The following CCNA2 variants were observed in gnomAD, a reference collection of about 807,000 sequenced individuals.
CCNA2 encodes cyclin-A2.
CCNA2 carries 3 observed loss-of-function variants against 49.4 expected under a neutral mutation model. The observed-to-expected ratio is 0.06, with a 90% CI of 0.03 to 0.16. The LOEUF (loss-of-function observed/expected upper bound fraction) is 0.16, where lower values mean the gene tolerates loss of function less well. Among genes scored for constraint, CCNA2 ranks in the 10% least tolerant of loss-of-function variants. CCNA2 has a pLI of 1.00. For synonymous variants in CCNA2, 206 were observed against 197.2 expected (o/e 1.04, Z -0.37); for missense variants, 372 against 519.7 (o/e 0.72, Z 2.76).
In CCNA2 at chr4:121,816,950, T is replaced by A. The variant is rs949102818; in HGVS notation, c.*688A>T. The A allele has an allele frequency of 8.3e-7, 1 of 1,201,812 alleles. No homozygotes were observed. The highest frequency in any genetic ancestry group is 1.1e-6 in the Non-Finnish European group (1 of 895,486). The allele number at this position is 1,201,812 out of a possible 1,614,324, so 74.4% of individuals were successfully genotyped here. Reference sequence around the variant, plus strand: ...GTATTTTTTATTCACAAATCCATTATAAAATCTAGCAGGATTTTAAAAATA... The same window carrying A: ...GTATTTTTTATTCACAAATCCATTAAAAAATCTAGCAGGATTTTAAAAATA... On this transcript the variant is annotated 3_prime_UTR_variant, in exon 8 of 8. Coordinates refer to ENST00000274026, the MANE Select transcript of CCNA2 (RefSeq NM_001237.5).
Position 121,820,438 on chromosome 4 carries a change from A to T in CCNA2, c.794+104T>A. The T allele has an allele frequency of 1.3e-6, 1 of 757,310 alleles. No homozygotes were observed. The highest frequency in any genetic ancestry group is 2.2e-6 in the Non-Finnish European group (1 of 455,276). 46.9% of individuals were successfully genotyped at this position (757,310 alleles called of 1,614,324 possible). On this transcript the variant is annotated intron_variant, in intron 4 of 7. Transcript: ENST00000274026. The surrounding 1 kb of genome is among the most constrained non-coding windows in gnomAD (Gnocchi z 4.1). Reference sequence around the variant, plus strand: ...GCACATTGCCATCCCTAAAGTAGTCACTGACTCTGCCTGGTGTATGTTAAA... The same window carrying T: ...GCACATTGCCATCCCTAAAGTAGTCTCTGACTCTGCCTGGTGTATGTTAAA...
At chr4:121,822,767 A>G in intron 1 of CCNA2, 121 bp from the exon 2 acceptor site, 1 of 1,030,614 alleles carries the variant, frequency 9.7e-7, no homozygotes, top group Non-Finnish European at 1.4e-6. Context: ...TGGGACAAAG[A>G]AGAGTTTCAG....
chr4:121,822,448 T>G lies in CCNA2; in HGVS notation c.412A>C (p.Arg138=), dbSNP rs892229251. ...TAATCAAGAGGGACCAATGGTTTTC[T>G]GGGTCCAGGTAAACTAATGGCTGAA... ...FNSAISLPGP[R]KPLVPLDYPM... is the part of the protein sequence containing the mutation. The change falls in exon 2 of 8, where the codon AGA becomes CGA. Residue 138 remains arginine, a synonymous_variant. Transcript: ENST00000274026. 1.5e-5 allele frequency: 25 copies of G among 1,614,092 alleles called. No individual in the cohort carries two copies. Among genetic ancestry groups the G allele is most frequent in the African/African-American group, 4.0e-5 (3 of 74,940 alleles).
intron 7 of CCNA2, among the ~76,000 whole-genome samples, 179 bp from the exon 8 acceptor site, chr4:121,817,865 C>T (rs773875956): frequency 4.6e-5 from 7 of 152,208 alleles, no homozygotes; most frequent in Non-Finnish European, 8.8e-5. Flanking sequence ...CCTTCCTTCT[C>T]TCTTCTCCCC....
At chr4:121,817,770 T>C in intron 7 of CCNA2, 84 bp from the exon 8 acceptor site, 6 of 1,568,082 alleles carry the variant, frequency 3.8e-6, no homozygotes, top group Admixed American at 1.8e-5. Context: ...ACTCATGTAT[T>C]GGGAACTAAA....
At position 121,822,474 on chromosome 4, in the gene CCNA2, T is replaced by C. The variant is rs1447748177; in HGVS notation, c.386A>G (p.Asn129Ser). 1 of 1,614,188 alleles carries C rather than the reference T, an allele frequency of 6.2e-7. No homozygotes were observed. The highest frequency in any genetic ancestry group is 2.2e-5 in the East Asian group (1 of 44,884). The change falls in exon 2 of 8, where the codon AAT (asparagine) becomes AGT (serine). Residue 129 changes from asparagine to serine, a missense_variant. By Grantham distance (46) the Asn-to-Ser change is conservative. Coordinates refer to ENST00000274026, the MANE Select transcript of CCNA2 (RefSeq NM_001237.5). Reference protein sequence around the residue: ...KIEREDALAFNSAISLPGPRK... With the variant: ...KIEREDALAFSSAISLPGPRK... ...GGGTCCAGGTAAACTAATGGCTGAA[T>C]TAAAAGCCAGGGCATCTTCACGCTC...
intron 1 of CCNA2, 71 bp from the exon 2 acceptor site, chr4:121,822,717 TG>T: frequency 6.7e-7 from 1 of 1,487,856 alleles, no homozygotes. Flanking sequence ...TGTTGGCCTT[TG>T]CTTTTTCTCC....
At position 121,820,884 on chromosome 4, in the gene CCNA2, AT is replaced by A. The variant is rs1724675460; in HGVS notation, c.570+94del. On this transcript the variant is annotated intron_variant, in intron 3 of 7. Transcript: ENST00000274026. The surrounding 1 kb of genome is among the most constrained non-coding windows in gnomAD (Gnocchi z 4.1). ...TAAACTTAACTGTAGCATTAGAATA[AT>A]TCATTAGTTTAAAAATTTAAACATT... 4.7e-6 allele frequency: 6 copies of A among 1,286,016 alleles called. No individual in the cohort carries two copies. Among genetic ancestry groups the A allele is most frequent in the Non-Finnish European group, 6.6e-6 (6 of 905,240 alleles). The allele number at this position is 1,286,016 out of a possible 1,614,324, so 79.7% of individuals were successfully genotyped here.
chr4:121,817,492 T>C lies in CCNA2; in HGVS notation c.*146A>G, dbSNP rs192441657. On this transcript the variant is annotated 3_prime_UTR_variant, in exon 8 of 8. Transcript: ENST00000274026. ...ACAAAAGATATACAAATTAAAACCA[T>C]TTAAAAAGTAATAGATACCATAATT... 8 of 891,034 alleles carry C rather than the reference T, an allele frequency of 9.0e-6. No homozygotes were observed. In the African/African-American group the frequency reaches 1.4e-4, roughly 15 times the overall value. The allele number at this position is 891,034 out of a possible 1,614,324, so 55.2% of individuals were successfully genotyped here. A position where few individuals can be genotyped will look rare whatever the true frequency, so the allele number is the denominator to read the frequency against.
chr4:121,823,632 T>G lies in CCNA2; in HGVS notation c.-4A>C. On this transcript the variant is annotated 5_prime_UTR_variant, in exon 1 of 8. Transcript: ENST00000274026. ...CCGGCGCAGAGTTGCCCAACATCACTGCTCCCGGGAGTGGACGGCGGGATC... is the reference window on the plus strand; with the variant it reads ...CCGGCGCAGAGTTGCCCAACATCACGGCTCCCGGGAGTGGACGGCGGGATC... 3 of 1,578,806 alleles carry G rather than the reference T, an allele frequency of 1.9e-6. No individual in the cohort carries two copies. Among genetic ancestry groups the G allele is most frequent in the Non-Finnish European group, 2.6e-6 (3 of 1,167,040 alleles).
chr4:121,818,586 C>G (rs1417808408), intron 6 of CCNA2, among the ~76,000 whole-genome samples: 1 of 152,140 alleles, frequency 6.6e-6, no homozygotes, highest in Non-Finnish European at 1.5e-5. Context: ...CCCCTGAATA[C>G]TGTAGTTTCA....
At position 121,823,450 on chromosome 4, in the gene CCNA2, C is replaced by A. The variant is rs776408693; in HGVS notation, c.179G>T (p.Gly60Val). ...CTTCGGCCTCTGCTGCTGCGCTAGA[C>A]CCCGCGGGTTCCCGGACTTCAGTAC... ...LAVLKSGNPR[G>V]LAQQQRPKTR... Residue 60 changes from glycine (G) to valine (V), a missense_variant, in exon 1 of 8, where the codon GGT (glycine) becomes GTT (valine). By Grantham distance (109) the Gly-to-Val change is moderately radical. This residue lies in a region of CCNA2 where 217 missense variants were observed against 231.7 expected (regional missense o/e 0.94). Coordinates refer to ENST00000274026, the MANE Select transcript of CCNA2 (RefSeq NM_001237.5). 2.5e-6 allele frequency: 4 copies of A among 1,613,376 alleles called. No homozygotes were observed. Among genetic ancestry groups the A allele is most frequent in the Non-Finnish European group, 3.4e-6 (4 of 1,179,832 alleles).
At chr4:121,822,106 C>T (rs911996752) in intron 2 of CCNA2, among the ~76,000 whole-genome samples, 27 of 152,150 alleles carry the variant, frequency 1.8e-4, no homozygotes, top group African/African-American at 6.0e-4. Flanking sequence ...ATTCTCCCAA[C>T]CAAGAACACA....
At position 121,821,047 on chromosome 4, in the gene CCNA2, T is replaced by C; in HGVS notation, c.502A>G (p.Lys168Glu). 1 of 1,613,290 alleles carries C rather than the reference T, an allele frequency of 6.2e-7. No individual in the cohort carries two copies. The highest frequency in any genetic ancestry group is 1.3e-5 in the African/African-American group (1 of 75,024). ...GGTACTTCATTAACACTCACTGGCT[T>C]TTCATCTTCTAATATAATTGACATG... ...MDMSIILEDEKPVSVNEVPDY... is the reference protein window; with the variant it reads ...MDMSIILEDEEPVSVNEVPDY... The change falls in exon 3 of 8, where the codon AAG (lysine) becomes GAG (glutamate). Residue 168 changes from lysine (K) to glutamate (E), a missense_variant. Physicochemically the swap from Lys to Glu is moderately conservative, Grantham distance 56. Around this residue, in one of 2 missense-constraint regions of CCNA2, gnomAD observed 217 missense variants for 231.7 expected, o/e 0.94. Coordinates refer to ENST00000274026, the MANE Select transcript of CCNA2 (RefSeq NM_001237.5).
intron 1 of CCNA2, 98 bp from the exon 2 acceptor site, chr4:121,822,744 G>C: frequency 8.1e-7 from 1 of 1,228,526 alleles, no homozygotes; most frequent in South Asian, 1.5e-5. Context: ...ACTCTATCAG[G>C]AATTAAACTT....
rs1425206324 is a variant in CCNA2 at position 121,819,414 on chromosome 4, C to G, written c.960G>C (p.Leu320=). The G allele has an allele frequency of 6.2e-7, 1 of 1,613,946 alleles. No homozygotes were observed. The highest frequency in any genetic ancestry group is 1.3e-5 in the African/African-American group (1 of 74,916). The change falls in exon 5 of 8, where the codon CTG becomes CTC. Residue 320 remains leucine, a synonymous_variant. Coordinates refer to ENST00000274026, the MANE Select transcript of CCNA2 (RefSeq NM_001237.5). ...TVNQFLTQYF[L]HQQPANCKVE... is the part of the protein sequence containing the mutation. ...CTTTGCAGTTTGCAGGCTGCTGATG[C>G]AGAAAGTATTGGGTAAGAAACTGAT...
intron 2 of CCNA2, 126 bp downstream of exon 2, chr4:121,822,276 CT>C: frequency 1.1e-6 from 1 of 903,570 alleles, no homozygotes; most frequent in Non-Finnish European, 1.7e-6. Context: ...CTTTCTAAGC[CT>C]TGTTACATTA....
chr4:121,821,834 C>T (rs1724699819), intron 2 of CCNA2, among the ~76,000 whole-genome samples: 1 of 152,058 alleles, frequency 6.6e-6, no homozygotes, highest in African/African-American at 2.4e-5. Flanking sequence ...CTCAATATCC[C>T]TAGGGCAAAG....
chr4:121,818,287 T>C, intron 6 of CCNA2, 110 bp from the exon 7 acceptor site: 5 of 952,030 alleles, frequency 5.3e-6, no homozygotes, highest in Non-Finnish European at 7.8e-6. Flanking sequence ...ATCTTTAACT[T>C]TTCCAACTAC....
Sources: gnomAD v4.1 joint callset for allele counts (sites outside exome capture counted in the v4.1 genomes callset) on GRCh38, gnomAD v4.1.1 for gene constraint, gnomAD v4.1.1 regional missense constraint, Gnocchi (gnomAD v3.1) non-coding constraint, MANE v1.5 for transcripts, NCBI Gene and HGNC (gene_info 2026-07-23, HGNC 2026-07-21) for gene names.